COL24A1: variants seen among roughly 807,000 people sequenced by gnomAD.
COL24A1 encodes collagen alpha-1(XXIV) chain.
In COL24A1, 224 loss-of-function variants were observed where a neutral mutation model predicts 253.9. That is an observed-to-expected ratio of 0.88 (90% confidence interval 0.79 to 0.99). COL24A1 has a LOEUF of 0.99. Ranked by LOEUF, COL24A1 falls within the 50% of genes least tolerant of loss-of-function variation. COL24A1 has a pLI of 0.00. For synonymous variants in COL24A1, 685 were observed against 673.7 expected (o/e 1.02, Z -0.26); for missense variants, 2,131 against 2,068.5 (o/e 1.03, Z -0.59).
At chr1:86,135,492 T>G (rs1572043715) in intron 2 of COL24A1, among the ~76,000 whole-genome samples, 1 of 152,106 alleles carries the variant, frequency 6.6e-6, no homozygotes, top group Admixed American at 6.6e-5. Flanking sequence ...ATATGTCTCA[T>G]ATATCATTTC....
chr1:85,855,892 G>T (rs552407381), intron 37 of COL24A1, among the ~76,000 whole-genome samples: 81 of 152,208 alleles, frequency 5.3e-4, no homozygotes, highest in African/African-American at 1.9e-3. Context: ...GTCTGCTCAG[G>T]GTTTCAGTTT....
At chr1:85,771,708 A>T (rs562332882) in intron 53 of COL24A1, among the ~76,000 whole-genome samples, 1 of 151,818 alleles carries the variant, frequency 6.6e-6, no homozygotes. Context: ...ACTAATTTAC[A>T]CTCCCTCCAA....
At chr1:85,875,694 T>C (rs1037615222) in intron 33 of COL24A1, among the ~76,000 whole-genome samples, 1 of 148,968 alleles carries the variant, frequency 6.7e-6, no homozygotes, top group African/African-American at 2.5e-5. Context: ...AAATAAGAGA[T>C]AAATTTATTC....
chr1:85,745,568 A>T (rs1228846515), intron 55 of COL24A1, 62 bp from the exon 56 acceptor site: 8 of 1,224,910 alleles, frequency 6.5e-6, no homozygotes, highest in East Asian at 2.5e-5. Context: ...CCTAAAGTAA[A>T]GGCTGTAAAT....
chr1:85,977,140 CT>C (rs368566035), intron 20 of COL24A1, among the ~76,000 whole-genome samples: 1 of 152,186 alleles, frequency 6.6e-6, no homozygotes, highest in African/African-American at 2.4e-5. Context: ...TGCAGTCCAG[CT>C]CTCAGGAAGC....
chr1:86,057,495 G>A (rs560227069), intron 10 of COL24A1, among the ~76,000 whole-genome samples: 179 of 152,218 alleles, frequency 1.2e-3, no homozygotes, highest in Admixed American at 5.4e-3. Flanking sequence ...AGTGAAATGG[G>A]ATGTTCTGGA....
chr1:85,818,015 A>G lies in COL24A1; in HGVS notation c.3843+19T>C. ...TCCATTTAGAAAAGCAAGAAAGATG[A>G]AAGAGGCCTGTTACTTACAGGAATC... On this transcript the variant is annotated intron_variant, in intron 46 of 59. Coordinates refer to ENST00000370571, the MANE Select transcript of COL24A1 (RefSeq NM_152890.7). 1 of 1,610,884 alleles carries G rather than the reference A, an allele frequency of 6.2e-7. No individual in the cohort carries two copies. The highest frequency in any genetic ancestry group is 1.1e-5 in the South Asian group (1 of 90,930).
In COL24A1 at chr1:85,823,578, A is replaced by C; in HGVS notation, c.3747T>G (p.Gly1249=). Residue 1249 remains glycine (G), a synonymous_variant, in exon 45 of 60, where the codon GGT becomes GGG. Coordinates refer to ENST00000370571, the MANE Select transcript of COL24A1 (RefSeq NM_152890.7). ...TGQQGPPGEP[G]DQGEQGLKGE... ...CTTTTAGTCCTTGTTCACCCTGGTC[A>C]CCTGGTTCGCCCTTTAGTAGAAACC... The C allele has an allele frequency of 6.2e-7, 1 of 1,614,014 alleles. No homozygotes were observed. Among genetic ancestry groups the C allele is most frequent in the Non-Finnish European group, 8.5e-7 (1 of 1,179,948 alleles).
intron 7 of COL24A1, among the ~76,000 whole-genome samples, chr1:86,064,619 A>C (rs1318428548): frequency 2.0e-5 from 3 of 152,196 alleles, no homozygotes; most frequent in Non-Finnish European, 4.4e-5. Context: ...AGCCTGAAAT[A>C]AATCATAGTT....
intron 24 of COL24A1, among the ~76,000 whole-genome samples, chr1:85,958,509 C>T (rs902110572): frequency 6.6e-6 from 1 of 152,082 alleles, no homozygotes; most frequent in African/African-American, 2.4e-5. Context: ...CAATAAATAT[C>T]TGCCTAATAA....
intron 47 of COL24A1, among the ~76,000 whole-genome samples, chr1:85,806,990 C>T (rs1056055634): frequency 6.6e-6 from 1 of 152,162 alleles, no homozygotes; most frequent in Non-Finnish European, 1.5e-5. Flanking sequence ...AAGATAAGAG[C>T]ACTGGTGGAG....
At chr1:86,102,745 T>C (rs1704578686) in intron 5 of COL24A1, among the ~76,000 whole-genome samples, 1 of 152,008 alleles carries the variant, frequency 6.6e-6, no homozygotes, top group Non-Finnish European at 1.5e-5. Context: ...TCCAAGAGAG[T>C]GGTTGGTATG....
At chr1:86,106,470 C>T (rs1260364925) in intron 5 of COL24A1, among the ~76,000 whole-genome samples, 2 of 152,052 alleles carry the variant, frequency 1.3e-5, no homozygotes, top group African/African-American at 4.8e-5. Context: ...CTCCAAGAGG[C>T]CTTTTTTTGG....
Position 86,013,273 on chromosome 1 carries a change from C to T in COL24A1, c.2310+3878G>A, listed in dbSNP as rs546846820. Among the ~76,000 whole-genome samples the T allele has an allele frequency of 4.6e-5, 7 of 152,134 alleles. No homozygotes were observed. In the South Asian group the frequency reaches 1.5e-3, roughly 32 times the overall value. On this transcript the variant is annotated intron_variant, in intron 19 of 59. Coordinates refer to ENST00000370571, the MANE Select transcript of COL24A1 (RefSeq NM_152890.7). ...TATATGTAGGTCTCATCATTTTGGCCCCTAATAGAATTACTTTCACTGAAT... is the reference window on the plus strand; with the variant it reads ...TATATGTAGGTCTCATCATTTTGGCTCCTAATAGAATTACTTTCACTGAAT...
intron 32 of COL24A1, among the ~76,000 whole-genome samples, chr1:85,880,673 A>C (rs1401871311): frequency 1.3e-5 from 2 of 152,070 alleles, no homozygotes; most frequent in Non-Finnish European, 2.9e-5. Context: ...TTTTTTAAAA[A>C]ATATGTTTTT....
chr1:86,016,618 T>A (rs896627487), intron 19 of COL24A1, among the ~76,000 whole-genome samples: 5 of 152,214 alleles, frequency 3.3e-5, no homozygotes, highest in African/African-American at 7.2e-5. Flanking sequence ...TAGGATTTTT[T>A]AAAATCCAAA....
chr1:86,057,967 A>G lies in COL24A1; in HGVS notation c.1815T>C (p.Ala605=). The change falls in exon 10 of 60, where the codon GCT becomes GCC. Residue 605 remains alanine, a synonymous_variant. Transcript: ENST00000370571. ...SPGYPGRQGL[A]GPEGNPGPKG... ...TAGGACCTGGATTACCTTCTGGTCC[A>G]GCTAAACCCTGGTGTAAACAAAAGA... is the stretch of plus-strand genomic sequence containing the variant. 1.2e-6 allele frequency: 2 copies of G among 1,613,052 alleles called. No homozygotes were observed. The highest frequency in any genetic ancestry group is 2.2e-5 in the East Asian group (1 of 44,740).
intron 57 of COL24A1, among the ~76,000 whole-genome samples, chr1:85,740,325 T>C (rs1410625431): frequency 6.6e-6 from 1 of 152,210 alleles, no homozygotes; most frequent in Non-Finnish European, 1.5e-5. Flanking sequence ...TTCGCTCTTA[T>C]CCTCAACTGA....
At chr1:85,949,273 TAA>T (rs1689664033) in intron 24 of COL24A1, among the ~76,000 whole-genome samples, 1 of 152,172 alleles carries the variant, frequency 6.6e-6, no homozygotes, top group Non-Finnish European at 1.5e-5. Context: ...GATTCTTCCC[TAA>T]GACATTTATA....
Sources: allele counts gnomAD v4.1 joint callset (sites outside exome capture counted in the v4.1 genomes callset), GRCh38; gene constraint gnomAD v4.1.1; transcripts MANE v1.5; gene names NCBI Gene and HGNC (gene_info 2026-07-23, HGNC 2026-07-21).